FITM1: variants seen among roughly 807,000 people sequenced by gnomAD.
The protein encoded by FITM1 is fat storage-inducing transmembrane protein 1.
FITM1 carries 11 observed loss-of-function variants against 22.2 expected under a neutral mutation model. The ratio of observed to expected loss-of-function variants is 0.50; its 90% CI spans 0.31 to 0.82. The LOEUF is 0.82. Among genes scored for constraint, FITM1 ranks in the 40% least tolerant of loss-of-function variants. FITM1 has a pLI of 0.04. For synonymous variants in FITM1, 164 were observed against 174.0 expected, an observed-to-expected ratio of 0.94 and a Z score of 0.45; for missense variants, 394 against 386.4, an observed-to-expected ratio of 1.02 and a Z score of -0.17.
chr14:24,131,641 G>C lies in FITM1; in HGVS notation c.78G>C (p.Lys26Asn). Residue 26 changes from lysine (K) to asparagine (N), a missense_variant, in exon 1 of 2, where the codon AAG becomes AAC. Physicochemically the swap from Lys to Asn is moderately conservative, Grantham distance 94 (BLOSUM62 0). Transcript: ENST00000267426. ...AGGCACTGCTGGGCTGCCTGCTCAA[G>C]GTGCTGCTCTGGGTGGCCTCTGCCT... ...RIQALLGCLL[K>N]VLLWVASALL... The C allele has an allele frequency of 3.7e-6, 6 of 1,613,228 alleles. No individual in the cohort carries two copies. Among genetic ancestry groups the C allele is most frequent in the Non-Finnish European group, 5.1e-6 (6 of 1,179,744 alleles).
chr14:24,131,149 G>A lies in FITM1; in HGVS notation c.-415G>A. On this transcript the variant is annotated 5_prime_UTR_variant, in exon 1 of 2. Coordinates refer to ENST00000267426, the MANE Select transcript of FITM1 (RefSeq NM_203402.3). ...CTTTTTTTAAAAAACGACTTTCAAG[G>A]TTTGGTTATTTTTATCTCCATGACC... is the stretch of plus-strand genomic sequence containing the variant. 1 of 526,756 alleles carries A rather than the reference G, an allele frequency of 1.9e-6. No individual in the cohort carries two copies. 32.6% of individuals were successfully genotyped at this position (526,756 alleles called of 1,614,324 possible).
In FITM1 at chr14:24,132,380, G is replaced by A. The variant is rs759275530; in HGVS notation, c.436G>A (p.Glu146Lys). The A allele has an allele frequency of 1.5e-4, 239 of 1,612,744 alleles. 1 individual carries two copies. The highest frequency in any genetic ancestry group is 1.1e-3 in the South Asian group (96 of 91,084). ...AGCCGGCCGGGCCTTCCTGCTCATC[G>A]AGGACCTGACTGGCTCCTGCTTCGA... ...RGAGRAFLLI[E>K]DLTGSCFEPL... The change falls in exon 2 of 2, where the codon GAG becomes AAG. Residue 146 changes from glutamate (E) to lysine (K), a missense_variant. Coordinates refer to ENST00000267426, the MANE Select transcript of FITM1 (RefSeq NM_203402.3).
In FITM1 at chr14:24,131,569, G is replaced by T. The variant is rs757322140; in HGVS notation, c.6G>T (p.Glu2Asp). M[E>D]RGPVVGAGLG... Reference sequence around the variant, plus strand: ...TAGTGGGGAGGGGAGGGAACATGGAGCGGGGGCCGGTGGTGGGGGCAGGAC... The same window carrying T: ...TAGTGGGGAGGGGAGGGAACATGGATCGGGGGCCGGTGGTGGGGGCAGGAC... The change falls in exon 1 of 2, where the codon GAG (glutamate) becomes GAT (aspartate). Residue 2 changes from glutamate (E) to aspartate (D), a missense_variant. Coordinates refer to ENST00000267426, the MANE Select transcript of FITM1 (RefSeq NM_203402.3). The T allele has an allele frequency of 3.2e-6, 5 of 1,575,694 alleles. No individual in the cohort carries two copies. The highest frequency in any genetic ancestry group is 1.8e-5 in the Admixed American group (1 of 55,478).
rs982913669 is a variant in FITM1 at position 24,131,292 on chromosome 14, G to A, written c.-272G>A. The A allele has an allele frequency of 6.4e-6, 4 of 625,678 alleles. No homozygotes were observed. Among genetic ancestry groups the A allele is most frequent in the African/African-American group, 1.8e-5 (1 of 55,276 alleles). 38.8% of individuals were successfully genotyped at this position (625,678 alleles called of 1,614,324 possible). A position where few individuals can be genotyped will look rare whatever the true frequency, so the allele number is the denominator to read the frequency against. ...CTGTCACAGGAACTGGAACATGGTCGGAGCCAAGGACACAGGACTAACAGG... is the reference window on the plus strand; with the variant it reads ...CTGTCACAGGAACTGGAACATGGTCAGAGCCAAGGACACAGGACTAACAGG... On this transcript the variant is annotated 5_prime_UTR_variant, in exon 1 of 2. Coordinates refer to ENST00000267426, the MANE Select transcript of FITM1 (RefSeq NM_203402.3).
chr14:24,131,039 G>A lies in FITM1; in HGVS notation c.-525G>A, dbSNP rs1041442314. ...TATGATGGCCACAGTGCTGTGCACA[G>A]CCACCTTGCTGCATCCTGCTGTTGG... On this transcript the variant is annotated 5_prime_UTR_variant, in exon 1 of 2. Transcript: ENST00000267426. Among the ~76,000 whole-genome samples, 1 of 152,262 alleles carries A rather than the reference G, an allele frequency of 6.6e-6. No homozygotes were observed. Among genetic ancestry groups the A allele is most frequent in the African/African-American group, 2.4e-5 (1 of 41,468 alleles).
At chr14:24,132,109 G>A (rs11574503) in intron 1 of FITM1, 102 bp from the exon 2 acceptor site, 8 of 1,485,992 alleles carry the variant, frequency 5.4e-6, no homozygotes, top group African/African-American at 4.2e-5. Context: ...AGGAGAGAAC[G>A]AGTGATGATG....
chr14:24,131,877 C>T (rs2037825172), intron 1 of FITM1, 48 bp downstream of exon 1: 1 of 1,522,060 alleles, frequency 6.6e-7, no homozygotes, highest in African/African-American at 1.4e-5. Flanking sequence ...ACTCTGGGAT[C>T]CTAGCTCCCT....
Position 24,131,227 on chromosome 14 carries a change from T to C in FITM1, c.-337T>C. On this transcript the variant is annotated 5_prime_UTR_variant, in exon 1 of 2. Coordinates refer to ENST00000267426, the MANE Select transcript of FITM1 (RefSeq NM_203402.3). ...AAGTAGGGGTGGGTGGAGAGGGACTTTGGCAGACTATGGACAAGGACAGCC... is the reference window on the plus strand; with the variant it reads ...AAGTAGGGGTGGGTGGAGAGGGACTCTGGCAGACTATGGACAAGGACAGCC... 1.8e-6 allele frequency: 1 copy of C among 567,706 alleles called. No homozygotes were observed. Among genetic ancestry groups the C allele is most frequent in the South Asian group, 2.2e-5 (1 of 44,988 alleles). The allele number at this position is 567,706 out of a possible 1,614,324, so 35.2% of individuals were successfully genotyped here.
At chr14:24,132,109 GA>G (rs2037826756) in intron 1 of FITM1, 101 bp from the exon 2 acceptor site, 5 of 1,485,994 alleles carry the variant, frequency 3.4e-6, no homozygotes, top group Admixed American at 2.3e-5. Flanking sequence ...AGGAGAGAAC[GA>G]GTGATGATGT....
chr14:24,132,721 C>T lies in FITM1; in HGVS notation c.777C>T (p.Ala259=). Reference sequence around the variant, plus strand: ...TGGGCGCCGCAGTGGGCACCTTTGCCTGGTACCTCACCTATGGCAGCTGGT... The same window carrying T: ...TGGGCGCCGCAGTGGGCACCTTTGCTTGGTACCTCACCTATGGCAGCTGGT... ...KVVGAAVGTF[A]WYLTYGSWYH... Residue 259 remains alanine (A), a synonymous_variant, in exon 2 of 2, where the codon GCC becomes GCT. Transcript: ENST00000267426. The T allele has an allele frequency of 1.2e-6, 2 of 1,613,974 alleles. No individual in the cohort carries two copies. The highest frequency in any genetic ancestry group is 1.7e-6 in the Non-Finnish European group (2 of 1,179,998).
In FITM1 at chr14:24,131,380, C is replaced by G. The variant is rs748780635; in HGVS notation, c.-184C>G. On this transcript the variant is annotated 5_prime_UTR_variant, in exon 1 of 2. Coordinates refer to ENST00000267426, the MANE Select transcript of FITM1 (RefSeq NM_203402.3). ...ACACCCGAGGCCAGGACCCTGCTGA[C>G]GTGGCAGACCTCCACCCTGGCCCCT... is the stretch of plus-strand genomic sequence containing the variant. 4.2e-6 allele frequency: 3 copies of G among 707,270 alleles called. No homozygotes were observed. The highest frequency in any genetic ancestry group is 7.7e-6 in the Non-Finnish European group (3 of 391,106). The allele number at this position is 707,270 out of a possible 1,614,324, so 43.8% of individuals were successfully genotyped here. A position where few individuals can be genotyped will look rare whatever the true frequency, so the allele number is the denominator to read the frequency against.
chr14:24,132,574 T>A lies in FITM1; in HGVS notation c.630T>A (p.His210Gln), dbSNP rs1227941666. 1 of 1,608,886 alleles carries A rather than the reference T, an allele frequency of 6.2e-7. No individual in the cohort carries two copies. The highest frequency in any genetic ancestry group is 1.3e-5 in the African/African-American group (1 of 75,070). Reference protein sequence around the residue: ...EAAVFAKYLAHGLPAGAPLRL... With the variant: ...EAAVFAKYLAQGLPAGAPLRL... ...CTGTGTTCGCCAAGTACCTGGCCCA[T>A]GGGCTTCCTGCCGGCGCCCCACTGC... Residue 210 changes from histidine (H) to glutamine (Q), a missense_variant, in exon 2 of 2, where the codon CAT becomes CAA. Physicochemically the swap from His to Gln is conservative, Grantham distance 24 (BLOSUM62 0). Transcript: ENST00000267426.
At position 24,132,805 on chromosome 14, in the gene FITM1, C is replaced by T. The variant is rs1463586670; in HGVS notation, c.861C>T (p.Ser287=). The T allele has an allele frequency of 2.5e-6, 4 of 1,609,734 alleles. No individual in the cohort carries two copies. Among genetic ancestry groups the T allele is most frequent in the Non-Finnish European group, 3.4e-6 (4 of 1,179,272 alleles). The change falls in exon 2 of 2, where the codon TCC becomes TCT. Residue 287 remains serine, a synonymous_variant. Coordinates refer to ENST00000267426, the MANE Select transcript of FITM1 (RefSeq NM_203402.3). ...PGHGLFPRPH[S]SRKHN Reference sequence around the variant, plus strand: ...ATGGGCTCTTCCCCCGTCCCCACTCCAGCCGCAAGCATAACTGAAAGAAAT... The same window carrying T: ...ATGGGCTCTTCCCCCGTCCCCACTCTAGCCGCAAGCATAACTGAAAGAAAT...
chr14:24,132,581 C>G lies in FITM1; in HGVS notation c.637C>G (p.Pro213Ala). 2 of 1,609,700 alleles carry G rather than the reference C, an allele frequency of 1.2e-6. No individual in the cohort carries two copies. The highest frequency in any genetic ancestry group is 2.2e-5 in the South Asian group (2 of 91,090). ...CGCCAAGTACCTGGCCCATGGGCTT[C>G]CTGCCGGCGCCCCACTGCGCCTTGT... ...VFAKYLAHGL[P>A]AGAPLRLVFL... The change falls in exon 2 of 2, where the codon CCT becomes GCT. Residue 213 changes from proline (P) to alanine (A), a missense_variant. Physicochemically the swap from Pro to Ala is conservative, Grantham distance 27. Transcript: ENST00000267426.
rs1408298987 is a variant in FITM1, at chr14:24,131,646, T to C, written c.83T>C (p.Leu28Pro). 1.9e-6 allele frequency: 3 copies of C among 1,613,488 alleles called. No homozygotes were observed. Among genetic ancestry groups the C allele is most frequent in the Admixed American group, 1.7e-5 (1 of 59,994 alleles). Residue 28 changes from leucine to proline, a missense_variant, in exon 1 of 2, where the codon CTG becomes CCG. Leu to Pro is a moderately conservative substitution (Grantham distance 98). Coordinates refer to ENST00000267426, the MANE Select transcript of FITM1 (RefSeq NM_203402.3). ...QALLGCLLKV[L>P]LWVASALLYF... ...CTGCTGGGCTGCCTGCTCAAGGTGC[T>C]GCTCTGGGTGGCCTCTGCCTTGCTG...
Position 24,131,217 on chromosome 14 carries a change from G to C in FITM1, c.-347G>C, listed in dbSNP as rs866259882. ...GCAAATGGTAAAGTAGGGGTGGGTG[G>C]AGAGGGACTTTGGCAGACTATGGAC... On this transcript the variant is annotated 5_prime_UTR_variant, in exon 1 of 2. Transcript: ENST00000267426. 1 of 561,792 alleles carries C rather than the reference G, an allele frequency of 1.8e-6. No individual in the cohort carries two copies. Among genetic ancestry groups the C allele is most frequent in the East Asian group, 2.9e-5 (1 of 33,980 alleles). 34.8% of individuals were successfully genotyped at this position (561,792 alleles called of 1,614,324 possible).
At position 24,132,816 on chromosome 14, in the gene FITM1, A is replaced by G; in HGVS notation, c.872A>G (p.His291Arg). The G allele has an allele frequency of 2.5e-6, 4 of 1,606,424 alleles. No individual in the cohort carries two copies. The highest frequency in any genetic ancestry group is 3.4e-6 in the Non-Finnish European group (4 of 1,178,652). Residue 291 changes from histidine to arginine, a missense_variant, in exon 2 of 2, where the codon CAT becomes CGT. Transcript: ENST00000267426. Reference protein sequence around the residue: ...LFPRPHSSRKHN With the variant: ...LFPRPHSSRKRN The stretch of plus-strand genomic sequence containing the variant: ...CCCCGTCCCCACTCCAGCCGCAAGC[A>G]TAACTGAAAGAAATAAAAACCATCG...
Position 24,131,723 on chromosome 14 carries a change from C to T in FITM1, c.160C>T (p.Arg54Cys), listed in dbSNP as rs778395604. 20 of 1,614,036 alleles carry T rather than the reference C, an allele frequency of 1.2e-5. No homozygotes were observed. Among genetic ancestry groups the T allele is most frequent in the African/African-American group, 5.3e-5 (4 of 74,950 alleles). ...CCTTCTGGGCAGCCCCTGCTTACGG[C>T]GCCTCTACCATGCCTGGCTGGCAGC... is the stretch of plus-strand genomic sequence containing the variant. ...ARLLGSPCLRRLYHAWLAAVV... is the reference protein window; with the variant it reads ...ARLLGSPCLRCLYHAWLAAVV... The change falls in exon 1 of 2, where the codon CGC becomes TGC. Residue 54 changes from arginine to cysteine, a missense_variant. By Grantham distance (180) the Arg-to-Cys change is radical (BLOSUM62 -3). Transcript: ENST00000267426.
rs761467048 is a variant in FITM1, at chr14:24,131,622, T to TG, written c.60dup (p.Leu21AlafsTer147). On this transcript the variant is annotated frameshift_variant, in exon 1 of 2. Coordinates refer to ENST00000267426, the MANE Select transcript of FITM1 (RefSeq NM_203402.3). LOFTEE classifies it high-confidence loss of function. ...GGGGCCGGGGCCCGAATCCAGGCACTGCTGGGCTGCCTGCTCAAGGTGCTG... is the reference window on the plus strand; with the variant it reads ...GGGGCCGGGGCCCGAATCCAGGCACTGGCTGGGCTGCCTGCTCAAGGTGCTG... 17 of 1,611,632 alleles carry TG rather than the reference T, an allele frequency of 1.1e-5. 1 individual carries two copies.
Sources: allele counts gnomAD v4.1 joint callset (sites outside exome capture counted in the v4.1 genomes callset), GRCh38; gene constraint gnomAD v4.1.1; transcripts MANE v1.5; gene names NCBI Gene and HGNC (gene_info 2026-07-23, HGNC 2026-07-21).